Variants in TRIM24 observed in about 807,000 individuals in gnomAD.
The protein encoded by TRIM24 is tripartite motif containing 24.
Under a neutral mutation model 123.9 loss-of-function variants are expected in TRIM24, and 29 were observed. The ratio of observed to expected loss-of-function variants is 0.23; its 90% CI spans 0.17 to 0.32. The LOEUF (loss-of-function observed/expected upper bound fraction) is 0.32, where lower values mean the gene tolerates loss of function less well. Among genes scored for constraint, TRIM24 ranks in the 10% least tolerant of loss-of-function variants. The pLI is 1.00. For synonymous variants in TRIM24, 456 were observed against 461.1 expected (o/e 0.99, Z 0.14); for missense variants, 932 against 1,295.3 (o/e 0.72, Z 4.31).
chr7:138,588,362 T>G lies in TRIM24; in HGVS notation c.*3411T>G, dbSNP rs1045990087. On this transcript the variant is annotated 3_prime_UTR_variant, in exon 19 of 19. Transcript: ENST00000343526. ...GAAGATACATTCATTTTATATGTAT[T>G]TGTTGTGAATGAGAGAAATTGAGTG... 6.6e-6 allele frequency: 1 copy of G among 152,192 alleles called. No individual in the cohort carries two copies. Among genetic ancestry groups the G allele is most frequent in the Non-Finnish European group, 1.5e-5 (1 of 68,040 alleles). 9.4% of individuals were successfully genotyped at this position (152,192 alleles called of 1,614,324 possible). A position where few individuals can be genotyped will look rare whatever the true frequency, so the allele number is the denominator to read the frequency against.
In TRIM24 at chr7:138,585,473, C is replaced by A. The variant is rs180808047; in HGVS notation, c.*522C>A. On this transcript the variant is annotated 3_prime_UTR_variant, in exon 19 of 19. Transcript: ENST00000343526. ...ACAAACATGGGTGGTAACAAGAGTT[C>A]CATCCCAGGAGGCCAAACGGTGCAA... 116 of 300,664 alleles carry A rather than the reference C, an allele frequency of 3.9e-4. No individual in the cohort carries two copies. Among genetic ancestry groups the A allele is most frequent in the Non-Finnish European group, 6.6e-4 (105 of 158,502 alleles). The allele number at this position is 300,664 out of a possible 1,614,324, so 18.6% of individuals were successfully genotyped here.
chr7:138,519,405 A>G (rs1796462277), intron 4 of TRIM24, 84 bp downstream of exon 4: 1 of 1,473,424 alleles, frequency 6.8e-7, no homozygotes, highest in Non-Finnish European at 9.1e-7. Flanking sequence ...ATCAAATGGC[A>G]GTCTGCAAAT....
Position 138,554,588 on chromosome 7 carries a change from T to C in TRIM24, c.1262-110T>C. 8.5e-7 allele frequency: 1 copy of C among 1,178,618 alleles called. No individual in the cohort carries two copies. The highest frequency in any genetic ancestry group is 2.4e-5 in the Admixed American group (1 of 42,308). The allele number at this position is 1,178,618 out of a possible 1,614,324, so 73.0% of individuals were successfully genotyped here. ...TCAGAGTGTTAAAGGGCTCATGAGATCAGAGAATTTCTTGGCAATTTTGAA... is the reference window on the plus strand; with the variant it reads ...TCAGAGTGTTAAAGGGCTCATGAGACCAGAGAATTTCTTGGCAATTTTGAA... On this transcript the variant is annotated intron_variant, in intron 8 of 18. Coordinates refer to ENST00000343526, the MANE Select transcript of TRIM24 (RefSeq NM_015905.3). This position sits in a 1 kb window ranked among gnomAD's most constrained non-coding sequence, Gnocchi z 4.5.
At chr7:138,525,402 G>T in intron 5 of TRIM24, 45 bp downstream of exon 5, 3 of 1,116,918 alleles carry the variant, frequency 2.7e-6, no homozygotes, top group Non-Finnish European at 3.7e-6. Flanking sequence ...AATTTGTTAA[G>T]TATATTCACT....
At chr7:138,512,439 C>T (rs768246224) in intron 2 of TRIM24, among the ~76,000 whole-genome samples, 14 of 152,136 alleles carry the variant, frequency 9.2e-5, no homozygotes, top group Non-Finnish European at 2.1e-4. Context: ...TCTGCCCCTG[C>T]AGCAGGCTTC....
intron 7 of TRIM24, chr7:138,545,426 A>T (rs1227500943): frequency 2.2e-6 from 1 of 456,716 alleles, no homozygotes; most frequent in Non-Finnish European, 4.4e-6. Context: ...AAATGGATTG[A>T]ATAAGTAAGT....
Position 138,585,175 on chromosome 7 carries a change from G to C in TRIM24, c.*224G>C, listed in dbSNP as rs1474246415. ...ATGAATAGAAGAAAGAAAATGGAAA[G>C]AAGGAAAAAAGGAGGATAGAAAAAG... On this transcript the variant is annotated 3_prime_UTR_variant, in exon 19 of 19. Transcript: ENST00000343526. The C allele has an allele frequency of 1.1e-5, 4 of 358,856 alleles. No homozygotes were observed. The highest frequency in any genetic ancestry group is 8.4e-5 in the African/African-American group (4 of 47,470). 22.2% of individuals were successfully genotyped at this position (358,856 alleles called of 1,614,324 possible).
chr7:138,570,984 A>C lies in TRIM24; in HGVS notation c.1859A>C (p.Asn620Thr). ...DLSSPVGGSY[N>T]LPSLPDIDCS... ...AGCTCACCAGTGGGAGGGTCTTATA[A>C]TCTTCCCTCTCTTCCGGATGTAAGT... The change falls in exon 11 of 19, where the codon AAT (asparagine) becomes ACT (threonine). Residue 620 changes from asparagine (N) to threonine (T), a missense_variant. This residue lies in a region of TRIM24 where 527 missense variants were observed against 691.3 expected (regional missense o/e 0.76). Transcript: ENST00000343526. The C allele has an allele frequency of 6.2e-7, 1 of 1,613,930 alleles. No homozygotes were observed. Among genetic ancestry groups the C allele is most frequent in the African/African-American group, 1.3e-5 (1 of 75,012 alleles).
chr7:138,517,653 T>C (rs1448643371), intron 3 of TRIM24, among the ~76,000 whole-genome samples: 1 of 152,158 alleles, frequency 6.6e-6, no homozygotes, highest in Non-Finnish European at 1.5e-5. Context: ...GGATTACAGA[T>C]GTGAGCCACC....
intron 14 of TRIM24, among the ~76,000 whole-genome samples, chr7:138,578,754 TTAACTA>T (rs1249914357): frequency 7.1e-6 from 1 of 141,614 alleles, no homozygotes; most frequent in African/African-American, 2.4e-5. Flanking sequence ...ATAAGTGCTT[TTAACTA>T]TATCTACATT....
intron 1 of TRIM24, among the ~76,000 whole-genome samples, chr7:138,475,181 T>C (rs1205660590): frequency 6.6e-6 from 1 of 152,046 alleles, no homozygotes; most frequent in African/African-American, 2.4e-5. Context: ...GGTATGGGAA[T>C]GGTGAGGGGG....
intron 14 of TRIM24, among the ~76,000 whole-genome samples, chr7:138,578,405 G>A (rs1797811797): frequency 6.6e-6 from 1 of 152,058 alleles, no homozygotes; most frequent in Non-Finnish European, 1.5e-5. Flanking sequence ...ACCAGTACAA[G>A]ACAAATACTG....
intron 1 of TRIM24, among the ~76,000 whole-genome samples, chr7:138,500,663 C>T (rs1796018115): frequency 2.0e-5 from 3 of 151,366 alleles, no homozygotes; most frequent in African/African-American, 7.3e-5. Flanking sequence ...CCCTTGAGCC[C>T]AGGAGTTTGA....
chr7:138,508,697 G>GCGCGCGCGCA (rs1563038803), intron 2 of TRIM24, among the ~76,000 whole-genome samples: 1 of 110,200 alleles, frequency 9.1e-6, no homozygotes, highest in Non-Finnish European at 1.9e-5. Flanking sequence ...GTGTGTGCGC[G>GCGCGCGCGCA]CGCGTGTGTG....
At chr7:138,490,770 G>A (rs906598841) in intron 1 of TRIM24, 26 of 497,324 alleles carry the variant, frequency 5.2e-5, no homozygotes, top group Admixed American at 1.1e-4. Flanking sequence ...AGATTGGCAA[G>A]CCTTTTCTAT....
intron 1 of TRIM24, among the ~76,000 whole-genome samples, chr7:138,462,341 T>C (rs2116434210): frequency 6.8e-6 from 1 of 147,952 alleles, no homozygotes; most frequent in Non-Finnish European, 1.5e-5. Context: ...CAAAAATCTT[T>C]TTTTTTTTTT....
intron 4 of TRIM24, among the ~76,000 whole-genome samples, chr7:138,523,443 C>G (rs1796542911): frequency 6.6e-6 from 1 of 152,070 alleles, no homozygotes; most frequent in South Asian, 2.1e-4. Context: ...GATGAATGTA[C>G]CATATAGTTA....
intron 1 of TRIM24, among the ~76,000 whole-genome samples, chr7:138,461,783 C>A (rs924544692): frequency 1.3e-5 from 2 of 152,076 alleles, no homozygotes; most frequent in Non-Finnish European, 2.9e-5. Context: ...TATTTGAGCA[C>A]CTCCTTTTTA....
At chr7:138,467,272 A>G (rs1392444895) in intron 1 of TRIM24, among the ~76,000 whole-genome samples, 1 of 152,184 alleles carries the variant, frequency 6.6e-6, no homozygotes, top group East Asian at 1.9e-4. Flanking sequence ...AAAGTCTGTC[A>G]TGGTTTTGAT....
Sources: allele counts gnomAD v4.1 joint callset (sites outside exome capture counted in the v4.1 genomes callset), GRCh38; gene constraint gnomAD v4.1.1; regional missense constraint gnomAD v4.1.1; non-coding constraint Gnocchi (gnomAD v3.1); transcripts MANE v1.5; gene names NCBI Gene and HGNC (gene_info 2026-07-23, HGNC 2026-07-21).